Variants in EIF2AK4 observed in about 807,000 individuals in gnomAD.
The protein encoded by EIF2AK4 is eukaryotic translation initiation factor 2 alpha kinase 4, also known as eIF-2-alpha kinase GCN2.
In EIF2AK4, 139 loss-of-function variants were observed where a neutral mutation model predicts 211.1. The ratio of observed to expected loss-of-function variants is 0.66; its 90% CI spans 0.57 to 0.76. The LOEUF (loss-of-function observed/expected upper bound fraction) is 0.76. Among genes scored for constraint, EIF2AK4 ranks in the 30% least tolerant of loss-of-function variants. The pLI, the probability that EIF2AK4 is intolerant of heterozygous loss-of-function variation, is 0.00. For synonymous variants in EIF2AK4, 710 were observed against 751.3 expected (o/e 0.94, Z 0.90); for missense variants, 1,664 against 2,043.8 (o/e 0.81, Z 3.58).
At chr15:40,005,785 A>G (rs1443205683) in intron 23 of EIF2AK4, among the ~76,000 whole-genome samples, 1 of 151,828 alleles carries the variant, frequency 6.6e-6, no homozygotes, top group East Asian at 2.0e-4. Flanking sequence ...ATTAGCAAGG[A>G]TGGTCTTGAT....
At chr15:40,033,520 ACATGT>A (rs2035570631) in intron 37 of EIF2AK4, among the ~76,000 whole-genome samples, 1 of 152,214 alleles carries the variant, frequency 6.6e-6, no homozygotes, top group African/African-American at 2.4e-5. Flanking sequence ...GACTTTTGCA[ACATGT>A]CATATCAAAG....
chr15:39,941,671 A>G (rs1039922302), intron 2 of EIF2AK4, among the ~76,000 whole-genome samples: 1 of 152,220 alleles, frequency 6.6e-6, no homozygotes, highest in African/African-American at 2.4e-5. Context: ...AGGTTTCTCC[A>G]CCTTGGCACT....
chr15:40,003,871 A>C (rs548180154), intron 23 of EIF2AK4, among the ~76,000 whole-genome samples: 1 of 152,240 alleles, frequency 6.6e-6, no homozygotes, highest in African/African-American at 2.4e-5. Flanking sequence ...TGTATGATAG[A>C]GCAAGGAAAA....
chr15:39,979,643 G>A (rs1026073210), intron 13 of EIF2AK4, among the ~76,000 whole-genome samples: 1 of 152,156 alleles, frequency 6.6e-6, no homozygotes, highest in African/African-American at 2.4e-5. Flanking sequence ...TTGAAATCTT[G>A]GAGAAAATGT....
intron 20 of EIF2AK4, among the ~76,000 whole-genome samples, chr15:39,999,536 T>C (rs1367362247): frequency 6.6e-6 from 1 of 152,198 alleles, no homozygotes; most frequent in Non-Finnish European, 1.5e-5. Flanking sequence ...AATTTGGTCC[T>C]TCTTGCTTGC....
chr15:40,028,405 C>A (rs2035494763), intron 33 of EIF2AK4, among the ~76,000 whole-genome samples: 1 of 152,178 alleles, frequency 6.6e-6, no homozygotes, highest in African/African-American at 2.4e-5. Flanking sequence ...AATTCTCAAC[C>A]AACAATGATT....
At position 39,961,542 on chromosome 15, in the gene EIF2AK4, G is replaced by T. The variant is rs1436276; in HGVS notation, c.744-242G>T. The stretch of plus-strand genomic sequence containing the variant: ...ACAGACCTCGAGTTAGGGGTTTGTG[G>T]TTTTCATGTGGAGAAGATGACAATG... On this transcript the variant is annotated intron_variant, in intron 6 of 38. Coordinates refer to ENST00000263791, the MANE Select transcript of EIF2AK4 (RefSeq NM_001013703.4). 0.91 allele frequency among the ~76,000 whole-genome samples: 138,833 copies of T among 152,064 alleles called. 63,798 individuals carry two copies. The highest frequency in any genetic ancestry group is 0.97 in the Middle Eastern group (285 of 294).
At chr15:40,014,399 A>C (rs1048659868) in intron 27 of EIF2AK4, among the ~76,000 whole-genome samples, 3 of 152,242 alleles carry the variant, frequency 2.0e-5, no homozygotes, top group Non-Finnish European at 2.9e-5. Context: ...GGAGGTTCCC[A>C]AACCTCAATT....
intron 13 of EIF2AK4, among the ~76,000 whole-genome samples, chr15:39,980,901 C>A (rs146786086): frequency 8.5e-5 from 13 of 152,238 alleles, no homozygotes; most frequent in African/African-American, 2.9e-4. Flanking sequence ...CCAGCAGTTA[C>A]AAGGGTTCAT....
chr15:39,996,089 A>T (rs1330171324), intron 18 of EIF2AK4, among the ~76,000 whole-genome samples: 1 of 152,036 alleles, frequency 6.6e-6, no homozygotes, highest in Non-Finnish European at 1.5e-5. Flanking sequence ...TAGATTCTAC[A>T]TACCAGTGAG....
intron 6 of EIF2AK4, among the ~76,000 whole-genome samples, chr15:39,959,768 T>C (rs1196157764): frequency 1.3e-5 from 2 of 152,254 alleles, no homozygotes; most frequent in African/African-American, 4.8e-5. Flanking sequence ...GCTTTTATCC[T>C]TTTCTCCATA....
intron 3 of EIF2AK4, among the ~76,000 whole-genome samples, chr15:39,947,787 G>A (rs930198577): frequency 6.6e-6 from 1 of 152,256 alleles, no homozygotes; most frequent in African/African-American, 2.4e-5. Flanking sequence ...AGTGAGCCCT[G>A]TAGCACCAGG....
At chr15:39,997,182 T>C (rs2035029619) in intron 19 of EIF2AK4, 117 bp downstream of exon 19, 3 of 745,994 alleles carry the variant, frequency 4.0e-6, no homozygotes, top group South Asian at 3.7e-5. Context: ...GCTGCCCTAC[T>C]GTAATTTTAA....
At chr15:39,972,022 C>A (rs1382641903) in intron 9 of EIF2AK4, among the ~76,000 whole-genome samples, 1 of 151,988 alleles carries the variant, frequency 6.6e-6, no homozygotes, top group Non-Finnish European at 1.5e-5. Context: ...TCTATTACAC[C>A]ATTAAACAGT....
At position 40,001,068 on chromosome 15, in the gene EIF2AK4, GC is replaced by G. The variant is rs1223356087; in HGVS notation, c.3008del (p.Pro1003HisfsTer17). On this transcript the variant is annotated frameshift_variant, in exon 21 of 39. Transcript: ENST00000263791. LOFTEE classifies it high-confidence loss of function. Reference sequence around the variant, plus strand: ...CAGAACTGCTCAAGAGTGAGCTGCTGCCCCCACCCCAGATGGAGGAGTCAGA... The same window carrying G: ...CAGAACTGCTCAAGAGTGAGCTGCTGCCCCACCCCAGATGGAGGAGTCAGA... ...ATELLKSELL[P>X]PPQMEESELH... 1 of 1,614,184 alleles carries G rather than the reference GC, an allele frequency of 6.2e-7. No individual in the cohort carries two copies. The highest frequency in any genetic ancestry group is 1.6e-4 in the Middle Eastern group (1 of 6,062).
chr15:39,961,204 A>G (rs920346048), intron 6 of EIF2AK4, among the ~76,000 whole-genome samples: 9 of 152,248 alleles, frequency 5.9e-5, no homozygotes, highest in Non-Finnish European at 7.3e-5. Context: ...AAAGACAAGC[A>G]AGAGAAGGAA....
intron 27 of EIF2AK4, 145 bp from the exon 28 acceptor site, chr15:40,016,357 T>G: frequency 1.0e-6 from 1 of 987,000 alleles, no homozygotes; most frequent in Non-Finnish European, 1.5e-6. Flanking sequence ...TAGTCAGGAT[T>G]GTGGCAAAGC....
intron 8 of EIF2AK4, among the ~76,000 whole-genome samples, chr15:39,966,501 CA>C (rs11391028): frequency 2.7e-4 from 38 of 140,230 alleles, no homozygotes; most frequent in Admixed American, 4.3e-4. Context: ...ACCCTGTCTC[CA>C]AAAAAAAAAA....
At chr15:39,995,628 A>T (rs2035008560) in intron 18 of EIF2AK4, among the ~76,000 whole-genome samples, 1 of 151,716 alleles carries the variant, frequency 6.6e-6, no homozygotes, top group Non-Finnish European at 1.5e-5. Context: ...TTTAATAGTT[A>T]TCTTGATTAT....
Sources: allele counts gnomAD v4.1 joint callset (sites outside exome capture counted in the v4.1 genomes callset), GRCh38; gene constraint gnomAD v4.1.1; transcripts MANE v1.5; gene names NCBI Gene and HGNC (gene_info 2026-07-23, HGNC 2026-07-21).